Variants in CNTN1 observed in about 807,000 individuals in gnomAD.
CNTN1 encodes contactin 1.
A neutral mutation model predicts 126.4 loss-of-function variants in CNTN1; 38 were observed. The observed-to-expected ratio is 0.30, with a 90% CI of 0.23 to 0.39. The LOEUF is 0.39. Ranked by LOEUF, CNTN1 falls within the 10% of genes least tolerant of loss-of-function variation. The pLI is 1.00. For synonymous variants in CNTN1, 413 were observed against 422.6 expected (o/e 0.98, Z 0.28); for missense variants, 1,009 against 1,248.4 (o/e 0.81, Z 2.89).
intron 1 of CNTN1, among the ~76,000 whole-genome samples, chr12:40,842,448 C>A (rs1942321500): frequency 6.6e-6 from 1 of 152,004 alleles, no homozygotes; most frequent in Non-Finnish European, 1.5e-5. Context: ...TGATGGGTAT[C>A]CCAATTATCC....
chr12:40,912,098 T>G (rs1158186351), intron 3 of CNTN1, among the ~76,000 whole-genome samples: 1 of 152,356 alleles, frequency 6.6e-6, no homozygotes, highest in East Asian at 1.9e-4. Flanking sequence ...CATTAGTAGC[T>G]AGTGTTCAAA....
chr12:40,800,031 G>A (rs900727248), intron 1 of CNTN1, among the ~76,000 whole-genome samples: 1 of 151,890 alleles, frequency 6.6e-6, no homozygotes, highest in Non-Finnish European at 1.5e-5. Context: ...CAACTAATTG[G>A]GAAGGTGATA....
intron 1 of CNTN1, among the ~76,000 whole-genome samples, chr12:40,907,441 A>G (rs552226601): frequency 6.6e-6 from 1 of 152,334 alleles, no homozygotes; most frequent in Admixed American, 6.5e-5. Context: ...ATGCTTAGTC[A>G]CAGTGGTGGA....
chr12:40,906,764 C>A (rs1339702323), intron 1 of CNTN1, among the ~76,000 whole-genome samples: 4 of 98,356 alleles, frequency 4.1e-5, no homozygotes, highest in Non-Finnish European at 8.7e-5. Context: ...CTGCAACCTC[C>A]ACCTCCCAGG....
At chr12:40,964,525 AGT>A (rs369450437) in intron 15 of CNTN1, among the ~76,000 whole-genome samples, 6,632 of 104,500 alleles carry the variant, frequency 0.063, 254 homozygotes, top group African/African-American at 0.13. Flanking sequence ...CGTGTAAGTG[AGT>A]GTGTGTGTGT....
At chr12:40,710,005 C>A (rs1941871726) in intron 1 of CNTN1, among the ~76,000 whole-genome samples, 1 of 152,078 alleles carries the variant, frequency 6.6e-6, no homozygotes, top group Non-Finnish European at 1.5e-5. Flanking sequence ...CCAGGAGCCC[C>A]AGGTTTTTTC....
Position 40,895,872 on chromosome 12 carries a change from C to T in CNTN1, c.-76-12485C>T, listed in dbSNP as rs940030465. The T allele has an allele frequency of 7.2e-5, 11 of 151,734 alleles. No individual in the cohort carries two copies. The East Asian group carries it at 1.4e-3, about 19-fold the overall frequency. The allele number at this position is 151,734 out of a possible 1,614,324, so 9.4% of individuals were successfully genotyped here. A position where few individuals can be genotyped will look rare whatever the true frequency, so the allele number is the denominator to read the frequency against. ...TCCCGGGTTCACGCCATTCTCCTGC[C>T]TCAGCCTCCCGAGTAGCTGGGACTA... On this transcript the variant is annotated intron_variant, in intron 1 of 23. Coordinates refer to ENST00000551295, the MANE Select transcript of CNTN1 (RefSeq NM_001843.4).
chr12:41,058,236 T>C (rs936563886), intron 23 of CNTN1, among the ~76,000 whole-genome samples: 1 of 152,142 alleles, frequency 6.6e-6, no homozygotes, highest in African/African-American at 2.4e-5. Flanking sequence ...ACCTAGAAAA[T>C]TCATTATGAA....
At chr12:40,739,458 A>G (rs1937841042) in intron 1 of CNTN1, among the ~76,000 whole-genome samples, 1 of 152,098 alleles carries the variant, frequency 6.6e-6, no homozygotes, top group African/African-American at 2.4e-5. Context: ...TCTAGACCTC[A>G]GGCATAAGGA....
At chr12:41,065,005 AATATAT>A in intron 23 of CNTN1, among the ~76,000 whole-genome samples, 1 of 152,276 alleles carries the variant, frequency 6.6e-6, no homozygotes, top group Non-Finnish European at 1.5e-5. Context: ...TACTGTTCCC[AATATAT>A]CCTTGTGGCT....
chr12:40,707,051 C>CGCGCGT (rs1185505104), intron 1 of CNTN1, among the ~76,000 whole-genome samples: 1 of 152 alleles, frequency 6.6e-3, no homozygotes, highest in African/African-American at 8.3e-3. Context: ...CTTGCGCACA[C>CGCGCGT]ACACACACAC....
At chr12:40,927,233 T>G (rs1945727068) in intron 6 of CNTN1, among the ~76,000 whole-genome samples, 1 of 152,094 alleles carries the variant, frequency 6.6e-6, no homozygotes, top group South Asian at 2.1e-4. Context: ...ATCCAGTCTA[T>G]AATCCGAGGA....
chr12:41,062,111 G>T lies in CNTN1; in HGVS notation c.2981-7848G>T, dbSNP rs191774789. ...CATTTTATTTTCTGATTTCTCTTTG[G>T]GTCTCTTCTTTAGAAACTCTTAAAA... On this transcript the variant is annotated intron_variant, in intron 23 of 23. Coordinates refer to ENST00000551295, the MANE Select transcript of CNTN1 (RefSeq NM_001843.4). 5.8e-3 allele frequency among the ~76,000 whole-genome samples: 888 copies of T among 151,850 alleles called. 2 individuals are homozygous for T. Among genetic ancestry groups the T allele is most frequent in the Non-Finnish European group, 0.01 (705 of 67,932 alleles).
chr12:40,887,606 C>A (rs1479604894), intron 1 of CNTN1, among the ~76,000 whole-genome samples: 2 of 152,008 alleles, frequency 1.3e-5, no homozygotes, highest in Non-Finnish European at 2.9e-5. Flanking sequence ...GTCAGTGTGG[C>A]AATTCCTCAG....
intron 6 of CNTN1, among the ~76,000 whole-genome samples, chr12:40,925,093 C>T (rs1945595460): frequency 6.6e-6 from 1 of 151,534 alleles, no homozygotes; most frequent in African/African-American, 2.4e-5. Context: ...AATTATTAAT[C>T]TCCTTAGGAA....
intron 17 of CNTN1, among the ~76,000 whole-genome samples, chr12:41,000,957 A>G (rs1475536261): frequency 1.3e-5 from 2 of 152,178 alleles, no homozygotes; most frequent in Admixed American, 1.3e-4. Flanking sequence ...TGCAAAGTAC[A>G]TGGTCTTGTT....
intron 1 of CNTN1, among the ~76,000 whole-genome samples, chr12:40,736,480 C>T (rs1937688510): frequency 6.6e-6 from 1 of 151,962 alleles, no homozygotes; most frequent in African/African-American, 2.4e-5. Context: ...AAAGAATTAG[C>T]TTCACTGATC....
intron 1 of CNTN1, among the ~76,000 whole-genome samples, chr12:40,772,968 G>T (rs1037800593): frequency 1.3e-5 from 2 of 151,842 alleles, no homozygotes; most frequent in African/African-American, 4.8e-5. Flanking sequence ...CATATCGTGT[G>T]TGCGAATATA....
intron 1 of CNTN1, among the ~76,000 whole-genome samples, chr12:40,790,162 CT>C (rs1483507210): frequency 1.3e-5 from 2 of 152,104 alleles, no homozygotes; most frequent in African/African-American, 4.8e-5. Flanking sequence ...CATGGAAAGA[CT>C]TGTGCAATAC....
Sources: allele counts gnomAD v4.1 joint callset (sites outside exome capture counted in the v4.1 genomes callset), GRCh38; gene constraint gnomAD v4.1.1; transcripts MANE v1.5; gene names NCBI Gene and HGNC (gene_info 2026-07-23, HGNC 2026-07-21).